Variants in MYH10 observed in about 807,000 individuals in gnomAD.
MYH10 encodes the protein myosin-10.
A neutral mutation model predicts 257.8 loss-of-function variants in MYH10; 55 were observed. The ratio of observed to expected loss-of-function variants is 0.21; its 90% CI spans 0.17 to 0.27. The LOEUF (loss-of-function observed/expected upper bound fraction) is 0.27, where lower values mean the gene tolerates loss of function less well. Among genes scored for constraint, MYH10 ranks in the 10% least tolerant of loss-of-function variants. The pLI is 1.00. For missense variants in MYH10, 1,631 were observed against 2,500.6 expected (o/e 0.65, Z 7.42); for synonymous variants, 854 against 921.7 (o/e 0.93, Z 1.33).
chr17:8,493,840 G>A lies in MYH10; in HGVS notation c.4102C>T (p.Arg1368Trp), dbSNP rs748362203. The change falls in exon 32 of 43, where the codon CGG (arginine) becomes TGG (tryptophan). Residue 1368 changes from arginine (R) to tryptophan (W), a missense_variant. Transcript: ENST00000360416. ...TTCTCCTCTTCCAGCTGCCGGATCC[G>A]ACTGCTCAGGTTTAGTTTCTGGCGT... Reference protein sequence around the residue: ...ETRQKLNLSSRIRQLEEEKNS... With the variant: ...ETRQKLNLSSWIRQLEEEKNS... 1.2e-6 allele frequency: 2 copies of A among 1,613,240 alleles called. No homozygotes were observed. Among genetic ancestry groups the A allele is most frequent in the South Asian group, 1.1e-5 (1 of 91,008 alleles).
At chr17:8,583,968 T>C (rs2083805304) in intron 4 of MYH10, among the ~76,000 whole-genome samples, 1 of 152,190 alleles carries the variant, frequency 6.6e-6, no homozygotes, top group Non-Finnish European at 1.5e-5. Context: ...AATTTCCTCA[T>C]CAAGGGTGAC....
chr17:8,620,685 C>T (rs1250871171), intron 2 of MYH10, among the ~76,000 whole-genome samples: 1 of 152,144 alleles, frequency 6.6e-6, no homozygotes, highest in African/African-American at 2.4e-5. Context: ...AAGCCCAATA[C>T]ATATTTATCA....
chr17:8,629,520 T>C (rs1421940003), intron 1 of MYH10, among the ~76,000 whole-genome samples: 1 of 152,112 alleles, frequency 6.6e-6, no homozygotes, highest in Non-Finnish European at 1.5e-5. Context: ...CAAACAGGCC[T>C]GGCTGGGGGC....
Position 8,545,474 on chromosome 17 carries a change from C to T in MYH10, c.1405G>A (p.Asp469Asn). The T allele has an allele frequency of 6.2e-7, 1 of 1,613,606 alleles. No homozygotes were observed. The highest frequency in any genetic ancestry group is 8.5e-7 in the Non-Finnish European group (1 of 1,179,916). ...RQGASFIGIL[D>N]IAGFEIFELN... ...TCAAAAATTTCAAATCCAGCAATAT[C>T]CAGGATTCCAATGAAAGATGCTCCC... The change falls in exon 13 of 43, where the codon GAT becomes AAT. Residue 469 changes from aspartate (D) to asparagine (N), a missense_variant. Around this residue, in one of 11 missense-constraint regions of MYH10, gnomAD observed 360 missense variants for 581.9 expected, o/e 0.62. Coordinates refer to ENST00000360416, the MANE Select transcript of MYH10 (RefSeq NM_001256012.3). This position sits in a 1 kb window ranked among gnomAD's most constrained non-coding sequence, Gnocchi z 4.7.
At chr17:8,599,796 ATTC>A (rs1397047888) in intron 3 of MYH10, among the ~76,000 whole-genome samples, 13 of 152,248 alleles carry the variant, frequency 8.5e-5, no homozygotes, top group Non-Finnish European at 1.9e-4. Flanking sequence ...ACACCATGAG[ATTC>A]TTAAGAAGGT....
intron 3 of MYH10, among the ~76,000 whole-genome samples, chr17:8,600,758 T>G (rs2084560702): frequency 6.6e-6 from 1 of 152,082 alleles, no homozygotes; most frequent in South Asian, 2.1e-4. Flanking sequence ...GAGTAATGGT[T>G]TAGCAGACAC....
chr17:8,597,620 AT>A (rs5819201), intron 3 of MYH10, among the ~76,000 whole-genome samples: 3 of 145,794 alleles, frequency 2.1e-5, no homozygotes, highest in East Asian at 2.0e-4. Flanking sequence ...TAGTTTACTC[AT>A]TTTTTTTTTT....
chr17:8,535,490 C>T lies in MYH10; in HGVS notation c.1791G>A (p.Lys597=). The change falls in exon 16 of 43, where the codon AAG becomes AAA. Residue 597 remains lysine, a synonymous_variant. Transcript: ENST00000360416. This position sits in a 1 kb window ranked among gnomAD's most constrained non-coding sequence, Gnocchi z 4.3. Reference sequence around the variant, plus strand: ...TATTCTTCATCAGCCACTCATCTGCCTTATAGTCCACCTATCCCGCACCAA... The same window carrying T: ...TATTCTTCATCAGCCACTCATCTGCTTTATAGTCCACCTATCCCGCACCAA... The part of the protein sequence containing the change: ...IIHYAGKVDY[K]ADEWLMKNMD... 5 of 1,613,232 alleles carry T rather than the reference C, an allele frequency of 3.1e-6. No homozygotes were observed. Among genetic ancestry groups the T allele is most frequent in the South Asian group, 1.1e-5 (1 of 90,980 alleles).
At position 8,480,329 on chromosome 17, in the gene MYH10, G is replaced by A; in HGVS notation, c.5389-11C>T. The A allele has an allele frequency of 1.2e-6, 2 of 1,613,828 alleles. No homozygotes were observed. Among genetic ancestry groups the A allele is most frequent in the Non-Finnish European group, 1.7e-6 (2 of 1,179,832 alleles). ...GTTCAGTGTGTCCACCTAGAGAGGA[G>A]AGAGGAGTTTAGTCACTTGTGCCTG... On this transcript the variant is annotated splice_polypyrimidine_tract_variant and intron_variant, in intron 39 of 42. Transcript: ENST00000360416.
intron 14 of MYH10, among the ~76,000 whole-genome samples, chr17:8,540,610 T>C (rs1209752414): frequency 6.6e-6 from 1 of 152,164 alleles, no homozygotes; most frequent in East Asian, 1.9e-4. Flanking sequence ...ATTATTCCTA[T>C]AAAGATACTG....
chr17:8,518,245 G>A (rs538102537), intron 21 of MYH10, among the ~76,000 whole-genome samples: 1 of 151,882 alleles, frequency 6.6e-6, no homozygotes, highest in African/African-American at 2.4e-5. Context: ...AGATCCTCCC[G>A]CCTCAGCTCC....
chr17:8,579,763 C>A (rs1319381628), intron 4 of MYH10, among the ~76,000 whole-genome samples: 1 of 152,160 alleles, frequency 6.6e-6, no homozygotes, highest in Admixed American at 6.5e-5. Flanking sequence ...TCTGTACTCT[C>A]ATTTTTATAT....
chr17:8,605,581 T>C (rs1267020147), intron 2 of MYH10, among the ~76,000 whole-genome samples: 4 of 151,996 alleles, frequency 2.6e-5, no homozygotes, highest in African/African-American at 7.2e-5. Context: ...CTGTCTCTAC[T>C]AAAAATACAA....
chr17:8,531,491 T>C (rs544308720), intron 16 of MYH10, among the ~76,000 whole-genome samples: 36 of 152,234 alleles, frequency 2.4e-4, no homozygotes, highest in African/African-American at 7.9e-4. Flanking sequence ...ATAAATCTTA[T>C]TTCTCCTGGT....
At chr17:8,489,698 C>T (rs1195006303) in intron 35 of MYH10, among the ~76,000 whole-genome samples, 2 of 143,820 alleles carry the variant, frequency 1.4e-5, no homozygotes, top group African/African-American at 2.6e-5. Flanking sequence ...AGCGAGACTC[C>T]GTCTGAAAAA....
chr17:8,576,554 A>T, intron 6 of MYH10, 89 bp downstream of exon 6: 1 of 1,245,888 alleles, frequency 8.0e-7, no homozygotes, highest in Non-Finnish European at 1.1e-6. Flanking sequence ...ACTTAGAACT[A>T]GTGGCATTTG....
Position 8,478,423 on chromosome 17 carries a change from A to G in MYH10, c.5621T>C (p.Leu1874Ser), listed in dbSNP as rs375000437. ...EAKERAAANK[L>S]VRRTEKKLKE... ...CAGCTTCTTCTCAGTGCGACGGACTAATTTGTTGGCGGCTGCTCGTTCCCT... is the reference window on the plus strand; with the variant it reads ...CAGCTTCTTCTCAGTGCGACGGACTGATTTGTTGGCGGCTGCTCGTTCCCT... The change falls in exon 41 of 43, where the codon TTA becomes TCA. Residue 1874 changes from leucine (L) to serine (S), a missense_variant. Physicochemically the swap from Leu to Ser is moderately radical, Grantham distance 145. Coordinates refer to ENST00000360416, the MANE Select transcript of MYH10 (RefSeq NM_001256012.3). 14 of 1,614,084 alleles carry G rather than the reference A, an allele frequency of 8.7e-6. No homozygotes were observed. The highest frequency in any genetic ancestry group is 6.7e-5 in the Admixed American group (4 of 60,012).
chr17:8,601,926 T>C (rs1157766867), intron 3 of MYH10, among the ~76,000 whole-genome samples: 2 of 152,006 alleles, frequency 1.3e-5, no homozygotes, highest in East Asian at 1.9e-4. Context: ...AGTTTGTGCA[T>C]GATATGAAAC....
At chr17:8,585,284 G>GTATATATATATATATATATATA (rs1380120586) in intron 4 of MYH10, among the ~76,000 whole-genome samples, 29 of 6,362 alleles carry the variant, frequency 4.6e-3, no homozygotes, top group East Asian at 0.026. Context: ...GCATGTGTGT[G>GTATATATATATATATATATATA]TGTGTATATA....
Sources: gnomAD v4.1 joint callset for allele counts (sites outside exome capture counted in the v4.1 genomes callset) on GRCh38, gnomAD v4.1.1 for gene constraint, gnomAD v4.1.1 regional missense constraint, Gnocchi (gnomAD v3.1) non-coding constraint, MANE v1.5 for transcripts, NCBI Gene and HGNC (gene_info 2026-07-23, HGNC 2026-07-21) for gene names.